RARB: variants seen among roughly 807,000 people sequenced by gnomAD.
RARB encodes the protein HBV-activated protein.
RARB carries 17 observed loss-of-function variants against 51.9 expected under a neutral mutation model. The ratio of observed to expected loss-of-function variants is 0.33; its 90% CI spans 0.22 to 0.49. The LOEUF is 0.49. RARB is among the 20% of genes least tolerant of loss of function. The pLI, the probability that RARB is intolerant of heterozygous loss-of-function variation, is 0.99. For synonymous variants in RARB, 215 were observed against 195.4 expected, an observed-to-expected ratio of 1.10 and a Z score of -0.84; for missense variants, 369 against 550.8, an observed-to-expected ratio of 0.67 and a Z score of 3.30.
intron 5 of RARB, among the ~76,000 whole-genome samples, chr3:25,345,709 G>A (rs1433676143): frequency 6.6e-6 from 1 of 150,452 alleles, no homozygotes. Context: ...CTAAATTTAA[G>A]TGGAATTTAG....
At chr3:25,006,823 A>G (rs994688709) in intron 2 of RARB, among the ~76,000 whole-genome samples, 2 of 152,174 alleles carry the variant, frequency 1.3e-5, no homozygotes, top group Non-Finnish European at 2.9e-5. Context: ...GTTGCTGTTT[A>G]AAGTGCTTAT....
intron 3 of RARB, among the ~76,000 whole-genome samples, chr3:25,504,277 C>G (rs1158465448): frequency 2.6e-5 from 4 of 152,202 alleles, no homozygotes; most frequent in African/African-American, 9.6e-5. Flanking sequence ...TTCCCCATGT[C>G]TAACAAAGAA....
intron 5 of RARB, among the ~76,000 whole-genome samples, chr3:25,375,267 C>G (rs1017877975): frequency 6.6e-6 from 1 of 152,144 alleles, no homozygotes; most frequent in African/African-American, 2.4e-5. Flanking sequence ...TCACTGATAA[C>G]AATGTATTTC....
intron 2 of RARB, among the ~76,000 whole-genome samples, chr3:24,985,813 A>G (rs189615089): frequency 6.6e-6 from 1 of 152,360 alleles, no homozygotes; most frequent in Admixed American, 6.5e-5. Context: ...CACTGCGCTG[A>G]GGCCTGTGCC....
At chr3:25,268,390 GA>G (rs11286841) in intron 5 of RARB, among the ~76,000 whole-genome samples, 97,883 of 147,306 alleles carry the variant, frequency 0.66, 32,372 homozygotes, top group East Asian at 0.76. Flanking sequence ...CCAGAAAATA[GA>G]AAAAAAAAAA....
intron 5 of RARB, chr3:25,345,905 T>A (rs1365674629): frequency 1.1e-6 from 1 of 893,422 alleles, no homozygotes; most frequent in African/African-American, 1.8e-5. Flanking sequence ...ACATGTCAGT[T>A]TAAAAAAAGA....
intron 2 of RARB, among the ~76,000 whole-genome samples, chr3:24,963,634 G>T (rs917653858): frequency 2.0e-5 from 3 of 151,818 alleles, no homozygotes; most frequent in Non-Finnish European, 4.4e-5. Context: ...CCTGGCTAAA[G>T]CTCACCAGTC....
intron 3 of RARB, among the ~76,000 whole-genome samples, chr3:25,080,142 C>A (rs75186324): frequency 5.3e-5 from 8 of 152,164 alleles, no homozygotes; most frequent in African/African-American, 1.9e-4. Flanking sequence ...TTTGTCTCCA[C>A]GAATTTGCCT....
At chr3:25,577,124 G>A (rs2125299550) in intron 4 of RARB, among the ~76,000 whole-genome samples, 1 of 152,306 alleles carries the variant, frequency 6.6e-6, no homozygotes. Flanking sequence ...GGAACCAGTA[G>A]GGAGGGGGTG....
chr3:25,480,695 T>G (rs1370771158), intron 2 of RARB, among the ~76,000 whole-genome samples: 3 of 152,206 alleles, frequency 2.0e-5, no homozygotes, highest in Admixed American at 6.5e-5. Flanking sequence ...TTTTTCTTAT[T>G]AGAGTTAATT....
In RARB at chr3:25,164,589, G is replaced by C. The variant is rs111233045; in HGVS notation, c.-279-9530G>C. Among the ~76,000 whole-genome samples, 984 of 152,186 alleles carry C rather than the reference G, an allele frequency of 6.5e-3. 16 individuals carry two copies. Among genetic ancestry groups the C allele is most frequent in the African/African-American group, 0.022 (932 of 41,530 alleles). On this transcript the variant is annotated intron_variant, in intron 4 of 11. Coordinates refer to the RARB transcript ENST00000383772. Reference sequence around the variant, plus strand: ...TAAAAATACATTTATGGCTAGACTTGATTTTCTAGAATAGATATACCCCTT... The same window carrying C: ...TAAAAATACATTTATGGCTAGACTTCATTTTCTAGAATAGATATACCCCTT...
intron 2 of RARB, among the ~76,000 whole-genome samples, chr3:24,861,635 G>C (rs572089226): frequency 6.7e-6 from 1 of 148,374 alleles, no homozygotes; most frequent in African/African-American, 2.5e-5. Context: ...AAGCAAAAAA[G>C]TTAATGAGAA....
chr3:24,837,944 G>A (rs1702364893), intron 1 of RARB, among the ~76,000 whole-genome samples: 1 of 152,184 alleles, frequency 6.6e-6, no homozygotes, highest in Non-Finnish European at 1.5e-5. Context: ...ATTTCCGTAA[G>A]TCAGAAGTCC....
chr3:25,426,462 T>C (rs143892824), upstream of RARB, among the ~76,000 whole-genome samples: 534 of 152,382 alleles, frequency 3.5e-3, no homozygotes, highest in Non-Finnish European at 6.0e-3. Context: ...TGCATACTTT[T>C]CATGTTACAC....
At chr3:24,937,537 C>A (rs190761358) in intron 2 of RARB, among the ~76,000 whole-genome samples, 8 of 152,288 alleles carry the variant, frequency 5.3e-5, no homozygotes, top group Non-Finnish European at 8.8e-5. Flanking sequence ...CAAGGCAAAT[C>A]CTAGGGCCTG....
chr3:25,522,061 C>G (rs1698424432), intron 3 of RARB, among the ~76,000 whole-genome samples: 1 of 151,824 alleles, frequency 6.6e-6, no homozygotes, highest in South Asian at 2.1e-4. Flanking sequence ...AAAAGAGTAT[C>G]ATCATTTTAG....
chr3:24,837,598 G>T (rs559424140), intron 1 of RARB, among the ~76,000 whole-genome samples: 2 of 152,264 alleles, frequency 1.3e-5, no homozygotes, highest in Non-Finnish European at 2.9e-5. Context: ...AATTGAAGAG[G>T]TTCAGATTCT....
At chr3:24,937,834 G>T (rs1309263482) in intron 2 of RARB, among the ~76,000 whole-genome samples, 11 of 152,038 alleles carry the variant, frequency 7.2e-5, no homozygotes, top group Admixed American at 6.6e-4. Flanking sequence ...AAAATAAAGA[G>T]ATTTTAATCC....
chr3:25,284,238 C>G (rs1419394966), intron 5 of RARB, among the ~76,000 whole-genome samples: 1 of 152,060 alleles, frequency 6.6e-6, no homozygotes, highest in Non-Finnish European at 1.5e-5. Flanking sequence ...TGGACCTTCC[C>G]CACTCAGGCC....
Sources: gnomAD v4.1 joint callset for allele counts (sites outside exome capture counted in the v4.1 genomes callset) on GRCh38, gnomAD v4.1.1 for gene constraint, MANE v1.5 for transcripts, NCBI Gene and HGNC (gene_info 2026-07-23, HGNC 2026-07-21) for gene names.